The following SNW1 variants were observed in gnomAD, a reference collection of about 807,000 sequenced individuals.
SNW1 encodes SNW domain-containing protein 1.
A neutral mutation model predicts 75.6 loss-of-function variants in SNW1; 9 were observed. The ratio of observed to expected loss-of-function variants is 0.12; its 90% CI spans 0.07 to 0.21. SNW1 has a LOEUF of 0.21. Ranked by LOEUF, SNW1 falls within the 10% of genes least tolerant of loss-of-function variation. The pLI, the probability that SNW1 is intolerant of heterozygous loss-of-function variation, is 1.00. For missense variants in SNW1, 409 were observed against 670.9 expected, an observed-to-expected ratio of 0.61 and a Z score of 4.31; for synonymous variants, 200 against 219.1, an observed-to-expected ratio of 0.91 and a Z score of 0.77.
intron 7 of SNW1, 84 bp downstream of exon 7, chr14:77,735,853 G>C (rs1210601109): frequency 1.1e-6 from 1 of 903,714 alleles, no homozygotes; most frequent in African/African-American, 1.7e-5. Flanking sequence ...GTGGTGACAT[G>C]CACCTGTATA....
At chr14:77,760,937 C>T (rs1045271810) in intron 1 of SNW1, 177 bp downstream of exon 1, 1 of 1,440,456 alleles carries the variant, frequency 6.9e-7, no homozygotes, top group Non-Finnish European at 9.7e-7. Context: ...GCTGAAAGAC[C>T]CCAGCTTCGA....
intron 2 of SNW1, among the ~76,000 whole-genome samples, chr14:77,753,324 T>C (rs2080821779): frequency 6.6e-6 from 1 of 152,204 alleles, no homozygotes; most frequent in Non-Finnish European, 1.5e-5. Flanking sequence ...TCACCCTCAT[T>C]GTGCAATGTA....
intron 3 of SNW1, among the ~76,000 whole-genome samples, chr14:77,748,584 G>C (rs1395648679): frequency 6.6e-6 from 1 of 151,786 alleles, no homozygotes; most frequent in Admixed American, 6.6e-5. Flanking sequence ...TATATTATTT[G>C]TATAACTTTT....
chr14:77,731,171 A>T, intron 9 of SNW1, 42 bp from the exon 10 acceptor site: 1 of 1,595,874 alleles, frequency 6.3e-7, no homozygotes, highest in Admixed American at 1.7e-5. Context: ...CTATCATGGG[A>T]TAAATATTTA....
At chr14:77,741,254 C>T (rs2080716881) in intron 3 of SNW1, among the ~76,000 whole-genome samples, 1 of 152,064 alleles carries the variant, frequency 6.6e-6, no homozygotes, top group South Asian at 2.1e-4. Flanking sequence ...TGACTCACGC[C>T]TGTAATCACA....
chr14:77,717,849 G>A lies in SNW1; in HGVS notation c.*239C>T. On this transcript the variant is annotated 3_prime_UTR_variant, in exon 14 of 14. Transcript: ENST00000261531. Reference sequence around the variant, plus strand: ...TGGTCTTGACTTTGTATGTGGGGCAGCATGTTCTATAAATGCTGAAAGGTG... The same window carrying A: ...TGGTCTTGACTTTGTATGTGGGGCAACATGTTCTATAAATGCTGAAAGGTG... 1 of 554,312 alleles carries A rather than the reference G, an allele frequency of 1.8e-6. No individual in the cohort carries two copies. The highest frequency in any genetic ancestry group is 2.8e-5 in the South Asian group (1 of 35,956). 34.3% of individuals were successfully genotyped at this position (554,312 alleles called of 1,614,324 possible). A position where few individuals can be genotyped will look rare whatever the true frequency, so the allele number is the denominator to read the frequency against.
At chr14:77,740,145 AAAAAAAAAAAAAAGAG>A (rs1011981452) in intron 3 of SNW1, among the ~76,000 whole-genome samples, 9 of 86,830 alleles carry the variant, frequency 1.0e-4, no homozygotes, top group African/African-American at 4.9e-4. Flanking sequence ...TAAAAAAAAA[AAAAAAAAAAAAAAGAG>A]AGAGATACAG....
At chr14:77,753,005 A>C (rs2080819996) in intron 2 of SNW1, among the ~76,000 whole-genome samples, 1 of 152,210 alleles carries the variant, frequency 6.6e-6, no homozygotes, top group South Asian at 2.1e-4. Flanking sequence ...TTTCAACTAT[A>C]ATAAGTACTT....
intron 8 of SNW1, among the ~76,000 whole-genome samples, chr14:77,732,951 G>A (rs141136958): frequency 2.6e-5 from 4 of 152,182 alleles, no homozygotes; most frequent in East Asian, 1.9e-4. Context: ...ATGAGCCATC[G>A]AGCCTGGCTA....
At position 77,718,038 on chromosome 14, in the gene SNW1, C is replaced by T. The variant is rs139167302; in HGVS notation, c.*50G>A. 1.6e-4 allele frequency: 240 copies of T among 1,462,506 alleles called. No homozygotes were observed. In the African/African-American group the frequency reaches 3.1e-3, roughly 19 times the overall value. The allele number at this position is 1,462,506 out of a possible 1,614,324, so 90.6% of individuals were successfully genotyped here. On this transcript the variant is annotated 3_prime_UTR_variant, in exon 14 of 14. Transcript: ENST00000261531. ...ACAAAGTGTTCCCCCATATGACTTG[C>T]ATCATTAGGGTTATGGGTAAGAGTT...
At chr14:77,718,649 C>T (rs555478428) in intron 12 of SNW1, 119 bp from the exon 13 acceptor site, 9 of 609,456 alleles carry the variant, frequency 1.5e-5, no homozygotes, top group African/African-American at 1.3e-4. Context: ...ACAATCTGAA[C>T]TGCAAATTAA....
intron 8 of SNW1, among the ~76,000 whole-genome samples, chr14:77,733,367 A>G (rs934299445): frequency 6.6e-6 from 1 of 152,224 alleles, no homozygotes; most frequent in Non-Finnish European, 1.5e-5. Context: ...TAGAATCACT[A>G]TAATCTTAGC....
Position 77,735,789 on chromosome 14 carries a change from T to A in SNW1, c.708+148A>T, listed in dbSNP as rs78436471. ...AGCTAACATGTTATATACATTCTCA[T>A]AAGCATTCTTGAAACTTCATCTTGA... On this transcript the variant is annotated intron_variant, in intron 7 of 13. Transcript: ENST00000261531. 6.9e-5 allele frequency: 41 copies of A among 592,842 alleles called. No individual in the cohort carries two copies. The South Asian group carries it at 8.9e-4, about 13-fold the overall frequency. 36.7% of individuals were successfully genotyped at this position (592,842 alleles called of 1,614,324 possible).
intron 10 of SNW1, 105 bp from the exon 11 acceptor site, chr14:77,723,382 C>T (rs1186080774): frequency 1.2e-6 from 1 of 814,180 alleles, no homozygotes. Context: ...CAGCATCTCA[C>T]TCTGTCACCC....
chr14:77,754,651 T>C (rs1476826009), intron 2 of SNW1, among the ~76,000 whole-genome samples: 1 of 152,154 alleles, frequency 6.6e-6, no homozygotes, highest in African/African-American at 2.4e-5. Context: ...TTCATCTCTC[T>C]TATCTTTTAC....
At chr14:77,749,262 G>A (rs8007598) in intron 3 of SNW1, among the ~76,000 whole-genome samples, 15,499 of 152,170 alleles carry the variant, frequency 0.1, 932 homozygotes, top group African/African-American at 0.15. Context: ...TAAAGAGAAT[G>A]TGCTGTAAAA....
At chr14:77,720,673 A>G (rs1248029781) in intron 12 of SNW1, 38 bp downstream of exon 12, 1 of 1,287,246 alleles carries the variant, frequency 7.8e-7, no homozygotes, top group Non-Finnish European at 1.1e-6. Flanking sequence ...ATAGGTATTC[A>G]CATCAACACA....
intron 3 of SNW1, among the ~76,000 whole-genome samples, chr14:77,744,446 C>CAAAAAAAAA (rs11335115): frequency 3.9e-4 from 32 of 82,944 alleles, no homozygotes; most frequent in East Asian, 7.0e-4. Context: ...GTCTCCATCT[C>CAAAAAAAAA]AAAAAAAAAA....
intron 3 of SNW1, among the ~76,000 whole-genome samples, chr14:77,744,888 T>C (rs182275263): frequency 6.6e-6 from 1 of 152,258 alleles, no homozygotes; most frequent in African/African-American, 2.4e-5. Flanking sequence ...ATAGAGTAAA[T>C]TTCCAGTATA....
Sources: gnomAD v4.1 joint callset for allele counts (sites outside exome capture counted in the v4.1 genomes callset) on GRCh38, gnomAD v4.1.1 for gene constraint, MANE v1.5 for transcripts, NCBI Gene and HGNC (gene_info 2026-07-23, HGNC 2026-07-21) for gene names.